Variants in GBE1 observed in about 807,000 individuals in gnomAD.
The protein encoded by GBE1 is 1,4-alpha-glucan branching enzyme 1.
In GBE1, 70 loss-of-function variants were observed where a neutral mutation model predicts 88.8. The observed-to-expected ratio is 0.79, with a 90% CI of 0.65 to 0.96. The LOEUF (loss-of-function observed/expected upper bound fraction) is 0.96, where lower values mean the gene tolerates loss of function less well. Ranked by LOEUF, GBE1 falls within the 40% of genes least tolerant of loss-of-function variation. GBE1 has a pLI of 0.00. For synonymous variants in GBE1, 284 were observed against 300.1 expected (o/e 0.95, Z 0.56); for missense variants, 872 against 871.0 (o/e 1.00, Z -0.01).
rs900271752 is a variant in GBE1, at chr3:81,573,915, G to C, written c.1618+4010C>G. On this transcript the variant is annotated intron_variant, in intron 12 of 15. Transcript: ENST00000429644. ...AGGAAACAGTCAATTCATAATAAAT[G>C]TTAACTGAGCAATATGATATTGGCT... Among the ~76,000 whole-genome samples, 10 of 152,014 alleles carry C rather than the reference G, an allele frequency of 6.6e-5. No individual in the cohort carries two copies. In the East Asian group the frequency reaches 1.9e-3, roughly 29 times the overall value.
rs1020658574 is a variant in GBE1, at chr3:81,524,649, C to T, written c.1934+10546G>A. 3.3e-5 allele frequency among the ~76,000 whole-genome samples: 5 copies of T among 151,862 alleles called. No homozygotes were observed. The East Asian group carries it at 5.8e-4, about 18-fold the overall frequency. On this transcript the variant is annotated intron_variant, in intron 14 of 15. Transcript: ENST00000429644. ...TAAGGATATCCAGTTTTCCCAGCAC[C>T]GTCTATTGAAGAAACTGTCCTTTCC...
intron 1 of GBE1, among the ~76,000 whole-genome samples, chr3:81,742,592 C>A (rs1032840105): frequency 6.6e-6 from 1 of 152,034 alleles, no homozygotes; most frequent in Non-Finnish European, 1.5e-5. Flanking sequence ...AAATCCACAT[C>A]GAATTTTAAC....
chr3:81,624,846 T>C (rs949404994), intron 7 of GBE1, among the ~76,000 whole-genome samples: 1 of 152,144 alleles, frequency 6.6e-6, no homozygotes, highest in Non-Finnish European at 1.5e-5. Flanking sequence ...TCTGGTTTGT[T>C]CCCAGTGTGT....
chr3:81,540,415 C>T (rs576531902), intron 12 of GBE1, among the ~76,000 whole-genome samples: 2 of 152,088 alleles, frequency 1.3e-5, no homozygotes, highest in East Asian at 3.9e-4. Context: ...GTTAGCAAGA[C>T]TTGGGTTTAA....
chr3:81,679,214 C>G (rs866398566), intron 2 of GBE1, among the ~76,000 whole-genome samples: 2 of 152,240 alleles, frequency 1.3e-5, no homozygotes, highest in Middle Eastern at 3.4e-3. Context: ...GTCCAAATCT[C>G]TTTTCTTGCT....
At chr3:81,620,326 G>A (rs1454013218) in intron 7 of GBE1, among the ~76,000 whole-genome samples, 2 of 152,060 alleles carry the variant, frequency 1.3e-5, no homozygotes, top group African/African-American at 4.8e-5. Context: ...GGGATTACAG[G>A]GGCCTGCCAC....
chr3:81,689,699 C>T (rs1358921018), intron 2 of GBE1, among the ~76,000 whole-genome samples: 1 of 152,180 alleles, frequency 6.6e-6, no homozygotes, highest in East Asian at 1.9e-4. Flanking sequence ...CTCTTCCAGC[C>T]TCTCTTGATC....
intron 1 of GBE1, among the ~76,000 whole-genome samples, chr3:81,722,501 TATA>T (rs1270163524): frequency 6.6e-6 from 1 of 151,938 alleles, no homozygotes; most frequent in African/African-American, 2.4e-5. Context: ...TGAAAGGATC[TATA>T]ATATTACTTT....
At chr3:81,544,051 G>T (rs1024101008) in intron 12 of GBE1, among the ~76,000 whole-genome samples, 1 of 152,082 alleles carries the variant, frequency 6.6e-6, no homozygotes, top group African/African-American at 2.4e-5. Flanking sequence ...AGAGAAATGT[G>T]TTCTTTGGAT....
intron 12 of GBE1, among the ~76,000 whole-genome samples, chr3:81,565,593 AC>A (rs1703481146): frequency 6.6e-6 from 1 of 152,328 alleles, no homozygotes; most frequent in South Asian, 2.1e-4. Context: ...AGAATGTCCT[AC>A]AAAATTATCA....
intron 12 of GBE1, among the ~76,000 whole-genome samples, chr3:81,568,373 T>C (rs1442833415): frequency 6.6e-6 from 1 of 152,124 alleles, no homozygotes; most frequent in Non-Finnish European, 1.5e-5. Context: ...GTCACCAACT[T>C]CTGACATCAA....
chr3:81,675,922 T>A (rs1705245348), intron 2 of GBE1, among the ~76,000 whole-genome samples: 1 of 152,076 alleles, frequency 6.6e-6, no homozygotes, highest in African/African-American at 2.4e-5. Flanking sequence ...GGTATACAAA[T>A]AAAGACCATA....
chr3:81,628,592 T>G (rs1704452569), intron 7 of GBE1, among the ~76,000 whole-genome samples: 1 of 151,886 alleles, frequency 6.6e-6, no homozygotes, highest in Non-Finnish European at 1.5e-5. Context: ...AATGATCATG[T>G]CATATTTACA....
At chr3:81,550,751 T>C (rs1387385494) in intron 12 of GBE1, among the ~76,000 whole-genome samples, 1 of 152,134 alleles carries the variant, frequency 6.6e-6, no homozygotes, top group South Asian at 2.1e-4. Context: ...AGTCTACAAA[T>C]GCCATGGCAA....
intron 1 of GBE1, among the ~76,000 whole-genome samples, chr3:81,742,131 C>T (rs991684959): frequency 2.0e-5 from 3 of 151,836 alleles, no homozygotes; most frequent in Non-Finnish European, 2.9e-5. Context: ...AGAGTAGCTT[C>T]GAGAGCCTCT....
intron 2 of GBE1, among the ~76,000 whole-genome samples, chr3:81,682,885 A>C (rs1173360202): frequency 1.3e-5 from 2 of 152,258 alleles, no homozygotes; most frequent in African/African-American, 4.8e-5. Flanking sequence ...AAAATGTTGT[A>C]TATTAATAGA....
At chr3:81,647,841 C>T (rs775763905) in intron 5 of GBE1, among the ~76,000 whole-genome samples, 1 of 152,160 alleles carries the variant, frequency 6.6e-6, no homozygotes, top group Admixed American at 6.6e-5. Context: ...ATTTTTATGG[C>T]ATTAATCATT....
intron 12 of GBE1, among the ~76,000 whole-genome samples, chr3:81,554,656 A>G (rs1331674974): frequency 2.0e-5 from 3 of 152,128 alleles, no homozygotes; most frequent in Non-Finnish European, 4.4e-5. Context: ...GCCACAGGGG[A>G]AAAAAATAAA....
At chr3:81,614,397 C>T (rs1704221498) in intron 7 of GBE1, among the ~76,000 whole-genome samples, 1 of 152,140 alleles carries the variant, frequency 6.6e-6, no homozygotes, top group Non-Finnish European at 1.5e-5. Context: ...GCATAAGCAG[C>T]AGATGTCCCT....
Sources: allele counts gnomAD v4.1 joint callset (sites outside exome capture counted in the v4.1 genomes callset), GRCh38; gene constraint gnomAD v4.1.1; transcripts MANE v1.5; gene names NCBI Gene and HGNC (gene_info 2026-07-23, HGNC 2026-07-21).